The following ATP6V1B1 variants were observed in gnomAD, a reference collection of about 807,000 sequenced individuals.
ATP6V1B1 encodes the protein V-type proton ATPase subunit B, kidney isoform.
In ATP6V1B1, 41 loss-of-function variants were observed where a neutral mutation model predicts 62.1. That is an observed-to-expected ratio of 0.66 (90% CI 0.51 to 0.86). The LOEUF (loss-of-function observed/expected upper bound fraction) is 0.86, where lower values mean the gene tolerates loss of function less well. Among genes scored for constraint, ATP6V1B1 ranks in the 40% least tolerant of loss-of-function variants. The pLI is 0.00. For synonymous variants in ATP6V1B1, 253 were observed against 273.4 expected (o/e 0.93, Z 0.74); for missense variants, 651 against 697.5 (o/e 0.93, Z 0.75).
intron 2 of ATP6V1B1, among the ~76,000 whole-genome samples, chr2:70,948,848 A>G (rs1680252933): frequency 6.6e-6 from 1 of 152,100 alleles, no homozygotes; most frequent in African/African-American, 2.4e-5. Flanking sequence ...CCTAGTCTCA[A>G]GTTCGACCAG....
intron 11 of ATP6V1B1, chr2:70,964,114 A>ATTTT (rs66905923): frequency 0.013 from 1,697 of 126,854 alleles, 276 homozygotes; most frequent in South Asian, 0.041. Context: ...CTTGGCAGGT[A>ATTTT]TTTTTTTTTT....
In ATP6V1B1 at chr2:70,962,869, A is replaced by G. The variant is rs1680624695; in HGVS notation, c.878A>G (p.Asp293Gly). Residue 293 changes from aspartate (D) to glycine (G), a missense_variant, in exon 9 of 14, where the codon GAC becomes GGC. Transcript: ENST00000234396. ...CEKHVLVILT[D>G]MSSYAEALRE... is the part of the protein sequence containing the mutation. ...AAGCATGTGCTGGTCATACTGACGG[A>G]CATGAGTTCCTATGCAGAGGCCTTG... 1 of 1,614,052 alleles carries G rather than the reference A, an allele frequency of 6.2e-7. No individual in the cohort carries two copies. Among genetic ancestry groups the G allele is most frequent in the African/African-American group, 1.3e-5 (1 of 74,920 alleles).
At chr2:70,938,632 G>T in intron 1 of ATP6V1B1, 1 of 985,348 alleles carries the variant, frequency 1.0e-6, no homozygotes, top group Non-Finnish European at 1.2e-6. Flanking sequence ...AGAAAGAGTG[G>T]AGGCAGCCTG....
At position 70,959,915 on chromosome 2, in the gene ATP6V1B1, G is replaced by A; in HGVS notation, c.446-24G>A. ...GGGAAGGGTTTGAACCCCTGAGCAT[G>A]GCTCTGTGATCGCCCTCTCCCAGGC... On this transcript the variant is annotated intron_variant, in intron 5 of 13. Transcript: ENST00000234396. This position sits in a 1 kb window ranked among gnomAD's most constrained non-coding sequence, Gnocchi z 4.2. The A allele has an allele frequency of 6.2e-7, 1 of 1,614,092 alleles. No homozygotes were observed. The highest frequency in any genetic ancestry group is 1.7e-5 in the Admixed American group (1 of 60,020).
chr2:70,958,475 G>C, intron 4 of ATP6V1B1, 49 bp downstream of exon 4: 1 of 1,565,422 alleles, frequency 6.4e-7, no homozygotes, highest in Non-Finnish European at 8.8e-7. Context: ...TGCCCTCCCA[G>C]CCCAGCTTCT....
intron 2 of ATP6V1B1, among the ~76,000 whole-genome samples, chr2:70,952,968 T>C (rs553846149): frequency 6.7e-6 from 1 of 149,706 alleles, no homozygotes; most frequent in South Asian, 2.1e-4. Flanking sequence ...TCTGTAGGGT[T>C]TGTTTGTTTG....
chr2:70,963,746 G>A lies in ATP6V1B1; in HGVS notation c.1143+92G>A. 6.9e-7 allele frequency: 1 copy of A among 1,455,040 alleles called. No homozygotes were observed. Among genetic ancestry groups the A allele is most frequent in the African/African-American group, 1.4e-5 (1 of 71,474 alleles). The allele number at this position is 1,455,040 out of a possible 1,614,324, so 90.1% of individuals were successfully genotyped here. On this transcript the variant is annotated intron_variant, in intron 11 of 13. Transcript: ENST00000234396. The surrounding 1 kb of genome is among the most constrained non-coding windows in gnomAD (Gnocchi z 4.3). The stretch of plus-strand genomic sequence containing the variant: ...CTGCCCCCAGGCATGAATTAGGAGG[G>A]GCCAGCCAAAGCGAACCCCAAACAG...
Position 70,961,701 on chromosome 2 carries a change from T to C in ATP6V1B1, c.785+8T>C. ...CTTGGCCAATGACCCCACGTGAGCTTTCCCTGATGCCCAAACTGCCCTCAG... is the reference window on the plus strand; with the variant it reads ...CTTGGCCAATGACCCCACGTGAGCTCTCCCTGATGCCCAAACTGCCCTCAG... On this transcript the variant is annotated splice_region_variant and intron_variant, in intron 8 of 13. Transcript: ENST00000234396. 2 of 1,613,890 alleles carry C rather than the reference T, an allele frequency of 1.2e-6. No individual in the cohort carries two copies. Among genetic ancestry groups the C allele is most frequent in the Non-Finnish European group, 1.7e-6 (2 of 1,179,782 alleles).
At chr2:70,944,030 C>A in intron 2 of ATP6V1B1, 1 of 985,442 alleles carries the variant, frequency 1.0e-6, no homozygotes. Context: ...ACGTACCTAA[C>A]CTCCTCAGAG....
In ATP6V1B1 at chr2:70,963,607, A is replaced by G; in HGVS notation, c.1096A>G (p.Ile366Val). Reference protein sequence around the residue: ...THPIPDLTGFITEGQIYVDRQ... With the variant: ...THPIPDLTGFVTEGQIYVDRQ... ...CCCTATCCCAGACTTGACGGGCTTC[A>G]TCACAGAGGGACAGATCTACGTGGA... The change falls in exon 11 of 14, where the codon ATC becomes GTC. Residue 366 changes from isoleucine to valine, a missense_variant. Transcript: ENST00000234396. The surrounding 1 kb of genome is among the most constrained non-coding windows in gnomAD (Gnocchi z 4.3). 5 of 1,614,216 alleles carry G rather than the reference A, an allele frequency of 3.1e-6. No homozygotes were observed. Among genetic ancestry groups the G allele is most frequent in the Non-Finnish European group, 4.2e-6 (5 of 1,180,044 alleles).
rs1553419391 is a variant in ATP6V1B1, at chr2:70,958,159, T to C, written c.273+15T>C. 2.5e-6 allele frequency: 4 copies of C among 1,612,564 alleles called. No homozygotes were observed. The highest frequency in any genetic ancestry group is 3.4e-6 in the Non-Finnish European group (4 of 1,179,070). Reference sequence around the variant, plus strand: ...CGATTGTTCAGGTGAGTGGGGTCAATGGGACATTGGCTAGTTAAATCAATG... The same window carrying C: ...CGATTGTTCAGGTGAGTGGGGTCAACGGGACATTGGCTAGTTAAATCAATG... On this transcript the variant is annotated intron_variant, in intron 3 of 13. Coordinates refer to ENST00000234396, the MANE Select transcript of ATP6V1B1 (RefSeq NM_001692.4).
At chr2:70,964,404 T>C in intron 11 of ATP6V1B1, 34 bp from the exon 12 acceptor site, 1 of 1,606,948 alleles carries the variant, frequency 6.2e-7, no homozygotes, top group Non-Finnish European at 8.5e-7. Context: ...GCTTGAGTCC[T>C]GCTGTCCACC....
chr2:70,960,383 C>G (rs927165389), intron 6 of ATP6V1B1, among the ~76,000 whole-genome samples: 1 of 152,196 alleles, frequency 6.6e-6, no homozygotes, highest in East Asian at 1.9e-4. Context: ...TTTACTCACC[C>G]GCTCCTGCTT....
chr2:70,961,077 C>A (rs782479564), intron 7 of ATP6V1B1, 55 bp downstream of exon 7: 1 of 1,514,984 alleles, frequency 6.6e-7, no homozygotes, highest in Non-Finnish European at 9.0e-7. Context: ...GGCAGCCTGT[C>A]TCCCTCAGCC....
At position 70,965,384 on chromosome 2, in the gene ATP6V1B1, T is replaced by A. The variant is rs1251166941; in HGVS notation, c.*263T>A. 2.8e-5 allele frequency: 16 copies of A among 564,184 alleles called. No homozygotes were observed. Among genetic ancestry groups the A allele is most frequent in the Non-Finnish European group, 5.0e-5 (16 of 316,976 alleles). 34.9% of individuals were successfully genotyped at this position (564,184 alleles called of 1,614,324 possible). A position where few individuals can be genotyped will look rare whatever the true frequency, so the allele number is the denominator to read the frequency against. On this transcript the variant is annotated 3_prime_UTR_variant, in exon 14 of 14. Coordinates refer to ENST00000234396, the MANE Select transcript of ATP6V1B1 (RefSeq NM_001692.4). ...TCTGACGGGAGCATCTGTATTTTTA[T>A]GTTAAAAGCCCACAAAATAAAAATA... is the stretch of plus-strand genomic sequence containing the variant.
At chr2:70,939,095 C>CCGGCCT (rs1371787380) in intron 1 of ATP6V1B1, among the ~76,000 whole-genome samples, 2 of 152,380 alleles carry the variant, frequency 1.3e-5, no homozygotes, top group African/African-American at 2.4e-5. Context: ...TGCCCCCATC[C>CCGGCCT]CGGCCTCACG....
intron 1 of ATP6V1B1, chr2:70,940,562 G>T: frequency 1.0e-6 from 1 of 985,434 alleles, no homozygotes; most frequent in Non-Finnish European, 1.2e-6. Context: ...GAGTGCTGTG[G>T]CTGTTTGGAG....
intron 1 of ATP6V1B1, chr2:70,941,737 A>G: frequency 6.1e-6 from 6 of 985,854 alleles, no homozygotes; most frequent in Non-Finnish European, 7.2e-6. Context: ...AAGAAGGCAG[A>G]TCTCAGAGGA....
chr2:70,956,047 C>G (rs17006563), intron 2 of ATP6V1B1: 6,036 of 206,898 alleles, frequency 0.029, 164 homozygotes, highest in Middle Eastern at 0.097. Flanking sequence ...AGGAATCTCT[C>G]TAAAATTGAC....
Sources: gnomAD v4.1 joint callset for allele counts (sites outside exome capture counted in the v4.1 genomes callset) on GRCh38, gnomAD v4.1.1 for gene constraint, Gnocchi (gnomAD v3.1) non-coding constraint, MANE v1.5 for transcripts, NCBI Gene and HGNC (gene_info 2026-07-23, HGNC 2026-07-21) for gene names.